The following DYM variants were observed in gnomAD, a reference collection of about 807,000 sequenced individuals.
DYM encodes dymeclin, also known as dyggve-Melchior-Clausen syndrome protein.
Under a neutral mutation model 93.1 loss-of-function variants are expected in DYM, and 78 were observed. The ratio of observed to expected loss-of-function variants is 0.84; its 90% CI spans 0.70 to 1.01. The LOEUF is 1.01. Ranked by LOEUF, DYM falls within the 50% of genes least tolerant of loss-of-function variation. The probability of loss-of-function intolerance (pLI) is 0.00; values close to 1 mark genes in which losing one functional copy is unlikely to be tolerated. For missense variants in DYM, 789 were observed against 845.0 expected (o/e 0.93, Z 0.82); for synonymous variants, 321 against 319.7 (o/e 1.00, Z -0.04).
chr18:49,409,283 CAA>C (rs200898948), intron 2 of DYM, among the ~76,000 whole-genome samples: 7 of 63,356 alleles, frequency 1.1e-4, no homozygotes, highest in Non-Finnish European at 1.3e-4. Flanking sequence ...GACTCTGTCT[CAA>C]AAAAAAAAAA....
At chr18:49,323,572 A>C (rs1387275722) in intron 8 of DYM, among the ~76,000 whole-genome samples, 1 of 152,190 alleles carries the variant, frequency 6.6e-6, no homozygotes, top group Non-Finnish European at 1.5e-5. Context: ...TCAAAAGAAA[A>C]GACCAGAGCT....
chr18:49,112,691 T>C (rs1433747300), intron 16 of DYM, among the ~76,000 whole-genome samples: 1 of 152,230 alleles, frequency 6.6e-6, no homozygotes, highest in Non-Finnish European at 1.5e-5. Flanking sequence ...AGGTACAATT[T>C]CATACAATAA....
At chr18:49,141,989 G>C (rs2084550913) in intron 15 of DYM, among the ~76,000 whole-genome samples, 1 of 151,284 alleles carries the variant, frequency 6.6e-6, no homozygotes, top group South Asian at 2.1e-4. Context: ...GAGTAGCTGG[G>C]ACTACAGGCG....
intron 15 of DYM, among the ~76,000 whole-genome samples, chr18:49,140,040 A>G (rs2084294012): frequency 6.6e-6 from 1 of 152,210 alleles, no homozygotes; most frequent in Non-Finnish European, 1.5e-5. Context: ...CTTTTGAACA[A>G]TGGGCACCCA....
At chr18:49,275,915 A>G (rs1266395383) in intron 10 of DYM, among the ~76,000 whole-genome samples, 1 of 152,138 alleles carries the variant, frequency 6.6e-6, no homozygotes, top group African/African-American at 2.4e-5. Flanking sequence ...TTTTATACTG[A>G]TCCAGTATCC....
intron 17 of DYM, among the ~76,000 whole-genome samples, chr18:49,065,664 A>G (rs1181574271): frequency 6.6e-6 from 1 of 151,980 alleles, no homozygotes; most frequent in East Asian, 1.9e-4. Context: ...ACCCGGCCTC[A>G]ATTTTTTTTT....
chr18:49,134,617 A>C (rs1294499089), intron 15 of DYM, among the ~76,000 whole-genome samples: 1 of 152,224 alleles, frequency 6.6e-6, no homozygotes, highest in African/African-American at 2.4e-5. Flanking sequence ...ATTGAAACAG[A>C]CAAACAATAA....
chr18:49,292,355 GACACAC>G (rs57025579), intron 8 of DYM, among the ~76,000 whole-genome samples: 4,394 of 84,710 alleles, frequency 0.052, 144 homozygotes, highest in South Asian at 0.11. Context: ...CAGACAGACA[GACACAC>G]ACACACACAC....
intron 17 of DYM, among the ~76,000 whole-genome samples, chr18:49,047,106 C>T (rs1361535432): frequency 1.3e-5 from 2 of 152,186 alleles, no homozygotes; most frequent in Non-Finnish European, 1.5e-5. Flanking sequence ...CTTCAACACA[C>T]AGCCCCCATC....
Position 49,309,760 on chromosome 18 carries a change from T to C in DYM, c.763+22104A>G, listed in dbSNP as rs549779045. On this transcript the variant is annotated intron_variant, in intron 8 of 17. Coordinates refer to ENST00000675505, the MANE Select transcript of DYM (RefSeq NM_001353214.3). ...CCTGCCATTGCAGGAGAAATGACAA[T>C]TAGGAAAAAATGACCCAAAAAGGAT... Among the ~76,000 whole-genome samples, 4 of 152,184 alleles carry C rather than the reference T, an allele frequency of 2.6e-5. No individual in the cohort carries two copies. In the South Asian group the frequency reaches 8.3e-4, roughly 32 times the overall value.
chr18:49,328,168 G>A (rs2063039881), intron 8 of DYM, among the ~76,000 whole-genome samples: 1 of 152,198 alleles, frequency 6.6e-6, no homozygotes, highest in South Asian at 2.1e-4. Context: ...ACGTGGCACT[G>A]TAAACTCATA....
chr18:49,102,567 TC>T, intron 16 of DYM, among the ~76,000 whole-genome samples: 1 of 152,214 alleles, frequency 6.6e-6, no homozygotes, highest in Non-Finnish European at 1.5e-5. Context: ...CCGTCCCCTC[TC>T]CCCCAACCCC....
chr18:49,342,619 TAATAAA>T (rs939891767), intron 6 of DYM, among the ~76,000 whole-genome samples: 1 of 152,166 alleles, frequency 6.6e-6, no homozygotes, highest in Non-Finnish European at 1.5e-5. Context: ...GAGGTGAGGA[TAATAAA>T]AATATAGTCA....
intron 17 of DYM, among the ~76,000 whole-genome samples, chr18:49,081,576 G>A (rs1351728055): frequency 6.7e-6 from 1 of 148,762 alleles, no homozygotes; most frequent in Non-Finnish European, 1.5e-5. Context: ...GAGGGGAGCT[G>A]TAGAGATTCT....
At chr18:49,451,937 C>T (rs1248383471) in intron 1 of DYM, among the ~76,000 whole-genome samples, 1 of 152,152 alleles carries the variant, frequency 6.6e-6, no homozygotes, top group Non-Finnish European at 1.5e-5. Context: ...ATGGGTAACA[C>T]AAAAATCTGG....
chr18:49,406,199 T>C (rs1189676024), intron 2 of DYM, among the ~76,000 whole-genome samples: 1 of 152,156 alleles, frequency 6.6e-6, no homozygotes, highest in Non-Finnish European at 1.5e-5. Flanking sequence ...TGAGTACCTT[T>C]TATTTCTTTC....
intron 3 of DYM, among the ~76,000 whole-genome samples, chr18:49,389,261 C>A (rs2068945808): frequency 6.6e-6 from 1 of 151,994 alleles, no homozygotes; most frequent in South Asian, 2.1e-4. Context: ...ACATGTAACA[C>A]ATTCCTGATA....
chr18:49,337,795 TG>T (rs1279794965), intron 6 of DYM, among the ~76,000 whole-genome samples: 1 of 152,178 alleles, frequency 6.6e-6, no homozygotes, highest in East Asian at 1.9e-4. Context: ...CAATTCTGCC[TG>T]GGTCAGAAGG....
rs537656429 is a variant in DYM at position 49,434,064 on chromosome 18, G to A, written c.-53-3617C>T. Among the ~76,000 whole-genome samples the A allele has an allele frequency of 2.0e-5, 3 of 152,152 alleles. No homozygotes were observed. In the South Asian group the frequency reaches 6.2e-4, roughly 32 times the overall value. ...GTCTCTATTAAAAATACAAAAATTA[G>A]GCTGGGCGCGGTGGCTCACGCCTAT... On this transcript the variant is annotated intron_variant, in intron 1 of 17. Transcript: ENST00000675505.
Sources: allele counts gnomAD v4.1 joint callset (sites outside exome capture counted in the v4.1 genomes callset), GRCh38; gene constraint gnomAD v4.1.1; transcripts MANE v1.5; gene names NCBI Gene and HGNC (gene_info 2026-07-23, HGNC 2026-07-21).